The following PRELID2 variants were observed in gnomAD, a reference collection of about 807,000 sequenced individuals.
PRELID2 encodes the protein PRELI domain containing 2.
Under a neutral mutation model 28.4 loss-of-function variants are expected in PRELID2, and 25 were observed. The ratio of observed to expected loss-of-function variants is 0.88; its 90% CI spans 0.64 to 1.23. The LOEUF is 1.23. PRELID2 is among the 50% of genes most tolerant of loss of function. The pLI is 0.00. For synonymous variants in PRELID2, 76 were observed against 71.6 expected, an observed-to-expected ratio of 1.06 and a Z score of -0.31; for missense variants, 201 against 214.4, an observed-to-expected ratio of 0.94 and a Z score of 0.39.
chr5:145,461,297 T>G, the PRELID2 span, among the ~76,000 whole-genome samples: 336 of 152,076 alleles, frequency 2.2e-3, 8 homozygotes, highest in East Asian at 0.051. Context: ...ACAAGATATT[T>G]AACTTCTTCT....
At chr5:145,789,536 T>C (rs1053713938) in intron 5 of PRELID2, among the ~76,000 whole-genome samples, 1 of 152,114 alleles carries the variant, frequency 6.6e-6, no homozygotes, top group South Asian at 2.1e-4. Context: ...ACTGAAGCTA[T>C]AAAATTACTA....
intron 1 of PRELID2, among the ~76,000 whole-genome samples, chr5:145,721,222 G>T (rs1219208713): frequency 6.6e-6 from 1 of 152,050 alleles, no homozygotes; most frequent in African/African-American, 2.4e-5. Context: ...GCATTCATGA[G>T]AAAAGGATAG....
the PRELID2 span, among the ~76,000 whole-genome samples, chr5:145,393,553 A>C: frequency 1.3e-5 from 2 of 152,218 alleles, no homozygotes; most frequent in Non-Finnish European, 2.9e-5. Context: ...AGCAAACTAC[A>C]GAAAATGGAA....
At chr5:145,711,647 C>T (rs1654135) in intron 1 of PRELID2, among the ~76,000 whole-genome samples, 27,675 of 151,694 alleles carry the variant, frequency 0.18, 2,930 homozygotes, top group African/African-American at 0.28. Context: ...TGTGTAGTGT[C>T]TGCTGAAGGC....
intron 1 of PRELID2, among the ~76,000 whole-genome samples, chr5:145,550,177 T>C (rs1752822526): frequency 6.6e-6 from 1 of 152,198 alleles, no homozygotes; most frequent in Non-Finnish European, 1.5e-5. Flanking sequence ...GAATGAACCC[T>C]GTGGTATGAA....
chr5:145,604,748 G>GTTTTTTTTTTT (rs377653737), intron 1 of PRELID2, among the ~76,000 whole-genome samples: 36 of 108,954 alleles, frequency 3.3e-4, no homozygotes, highest in Non-Finnish European at 5.5e-4. Context: ...GTTTTTTTTG[G>GTTTTTTTTTTT]TTTTTTTTTT....
At chr5:145,671,744 T>C (rs1754710916) in intron 1 of PRELID2, among the ~76,000 whole-genome samples, 1 of 152,186 alleles carries the variant, frequency 6.6e-6, no homozygotes. Context: ...AGCTACACCA[T>C]TTAATTAGAG....
downstream of PRELID2, among the ~76,000 whole-genome samples, chr5:145,752,162 C>T (rs533427450): frequency 5.2e-4 from 79 of 152,234 alleles, no homozygotes; most frequent in South Asian, 4.1e-3. Context: ...CTCGCTCTTC[C>T]CCAATACTTC....
At chr5:145,313,735 C>T in the PRELID2 span, among the ~76,000 whole-genome samples, 1 of 152,174 alleles carries the variant, frequency 6.6e-6, no homozygotes, top group African/African-American at 2.4e-5. Context: ...CTTTCTTTCC[C>T]ATCCCTCACT....
At chr5:145,296,228 A>T in the PRELID2 span, among the ~76,000 whole-genome samples, 1 of 151,562 alleles carries the variant, frequency 6.6e-6, no homozygotes, top group African/African-American at 2.4e-5. Context: ...TTTAGGGTAC[A>T]TGTGCACAAT....
At chr5:145,542,749 A>ATTTTTTC (rs1752753535) in intron 1 of PRELID2, among the ~76,000 whole-genome samples, 1 of 145,196 alleles carries the variant, frequency 6.9e-6, no homozygotes, top group Non-Finnish European at 1.5e-5. Flanking sequence ...ATACATTGTA[A>ATTTTTTC]TTTCTTTCTT....
At chr5:145,302,271 C>T in the PRELID2 span, among the ~76,000 whole-genome samples, 3 of 151,782 alleles carry the variant, frequency 2.0e-5, no homozygotes, top group Admixed American at 6.6e-5. Flanking sequence ...AAGCGATTCT[C>T]TTGCCTCAGC....
At chr5:145,636,971 C>T (rs181352182) in intron 1 of PRELID2, among the ~76,000 whole-genome samples, 67 of 152,114 alleles carry the variant, frequency 4.4e-4, no homozygotes, top group Middle Eastern at 3.4e-3. Context: ...ATTCTACCAA[C>T]GGAAAGATGA....
At chr5:145,424,622 C>T in the PRELID2 span, among the ~76,000 whole-genome samples, 17 of 152,186 alleles carry the variant, frequency 1.1e-4, no homozygotes, top group South Asian at 1.2e-3. Flanking sequence ...ACCCACTGAC[C>T]GGCACTCCCT....
intron 1 of PRELID2, among the ~76,000 whole-genome samples, chr5:145,557,196 G>T (rs1752887920): frequency 6.6e-6 from 1 of 152,172 alleles, no homozygotes; most frequent in African/African-American, 2.4e-5. Flanking sequence ...AAAACAATCA[G>T]AAACAGTGCT....
chr5:145,738,547 A>G (rs895814922), intron 1 of PRELID2, among the ~76,000 whole-genome samples: 3 of 152,198 alleles, frequency 2.0e-5, no homozygotes, highest in Non-Finnish European at 4.4e-5. Flanking sequence ...AATTTTTAAA[A>G]ATGCAAGAGA....
intron 1 of PRELID2, among the ~76,000 whole-genome samples, chr5:145,597,280 T>C (rs543113702): frequency 1.2e-4 from 19 of 152,324 alleles, no homozygotes; most frequent in African/African-American, 4.6e-4. Context: ...GAATATTTTA[T>C]TTTCCTTTAC....
intron 1 of PRELID2, among the ~76,000 whole-genome samples, chr5:145,581,937 AT>A (rs1449357097): frequency 6.6e-6 from 1 of 152,226 alleles, no homozygotes; most frequent in Admixed American, 6.5e-5. Context: ...AAATCAACTG[AT>A]TCAAATTAGC....
intron 1 of PRELID2, among the ~76,000 whole-genome samples, chr5:145,650,106 T>C (rs1157518685): frequency 6.6e-6 from 1 of 152,210 alleles, no homozygotes; most frequent in Non-Finnish European, 1.5e-5. Flanking sequence ...CAAGAACTAA[T>C]CTATTTTTAA....
Sources: allele counts gnomAD v4.1 joint callset (sites outside exome capture counted in the v4.1 genomes callset), GRCh38; gene constraint gnomAD v4.1.1; transcripts MANE v1.5; gene names NCBI Gene and HGNC (gene_info 2026-07-23, HGNC 2026-07-21).